Variants in PPIG observed in about 807,000 individuals in gnomAD.
PPIG encodes the protein peptidylprolyl isomerase G.
A neutral mutation model predicts 87.9 loss-of-function variants in PPIG; 26 were observed. The ratio of observed to expected loss-of-function variants is 0.30; its 90% CI spans 0.22 to 0.41. The LOEUF (loss-of-function observed/expected upper bound fraction) is 0.41, where lower values mean the gene tolerates loss of function less well. Among genes scored for constraint, PPIG ranks in the 10% least tolerant of loss-of-function variants. The probability of loss-of-function intolerance (pLI) is 1.00; values close to 1 mark genes in which losing one functional copy is unlikely to be tolerated. For missense variants in PPIG, 722 were observed against 879.4 expected (o/e 0.82, Z 2.26); for synonymous variants, 308 against 276.5 (o/e 1.11, Z -1.13).
chr2:169,611,819 G>A (rs1039414190), intron 7 of PPIG, among the ~76,000 whole-genome samples: 87 of 151,392 alleles, frequency 5.7e-4, no homozygotes, highest in African/African-American at 2.0e-3. Context: ...TTCCTATTTC[G>A]TAGGTAACCC....
chr2:169,607,033 G>T (rs1429591430), intron 5 of PPIG, 71 bp from the exon 6 acceptor site: 2 of 906,704 alleles, frequency 2.2e-6, no homozygotes, highest in Non-Finnish European at 3.5e-6. Flanking sequence ...TACTTTACAA[G>T]AAGTATTTTG....
chr2:169,632,656 G>A, intron 11 of PPIG, among the ~76,000 whole-genome samples: 1 of 151,956 alleles, frequency 6.6e-6, no homozygotes, highest in Non-Finnish European at 1.5e-5. Flanking sequence ...CAGGAGAATG[G>A]CATAAGTAAA....
At chr2:169,603,985 C>T in intron 2 of PPIG, 41 bp from the exon 3 acceptor site, 2 of 1,458,204 alleles carry the variant, frequency 1.4e-6, no homozygotes, top group Non-Finnish European at 1.9e-6. Flanking sequence ...AAGATCTTTG[C>T]TATTTTAGTC....
At chr2:169,607,613 T>C (rs183066072) in intron 6 of PPIG, among the ~76,000 whole-genome samples, 1 of 152,358 alleles carries the variant, frequency 6.6e-6, no homozygotes, top group East Asian at 1.9e-4. Context: ...AAATGGTCTA[T>C]AAGCATATTT....
rs543643286 is a variant in PPIG, at chr2:169,608,954, G to A, written c.377+196G>A. On this transcript the variant is annotated intron_variant, in intron 7 of 13. Coordinates refer to ENST00000260970, the MANE Select transcript of PPIG (RefSeq NM_004792.3). ...AAAAAATTAGCTGGGCATGGTGTCG[G>A]ACGCCTGTAGTCCCAGCTACTTGGG... Among the ~76,000 whole-genome samples, 3 of 151,894 alleles carry A rather than the reference G, an allele frequency of 2.0e-5. No homozygotes were observed. In the South Asian group the frequency reaches 6.2e-4, roughly 32 times the overall value.
chr2:169,606,476 C>CA (rs1425236975), intron 5 of PPIG, among the ~76,000 whole-genome samples: 3 of 150,992 alleles, frequency 2.0e-5, no homozygotes, highest in African/African-American at 7.3e-5. Flanking sequence ...GCTGTAGTCC[C>CA]AGCTACTTGA....
chr2:169,586,467 T>G (rs1684707805), intron 1 of PPIG, among the ~76,000 whole-genome samples: 1 of 152,228 alleles, frequency 6.6e-6, no homozygotes, highest in Non-Finnish European at 1.5e-5. Context: ...TAAAATTGTG[T>G]GTGAAGTTGG....
chr2:169,597,430 A>G (rs1685048967), intron 1 of PPIG, among the ~76,000 whole-genome samples: 1 of 151,890 alleles, frequency 6.6e-6, no homozygotes. Context: ...AGTAGCTAGG[A>G]CTGCAGGTGC....
intron 12 of PPIG, among the ~76,000 whole-genome samples, chr2:169,635,300 T>G (rs1337579039): frequency 6.6e-6 from 1 of 152,196 alleles, no homozygotes; most frequent in African/African-American, 2.4e-5. Flanking sequence ...TAGTCCTTGC[T>G]TACCTCATCA....
intron 7 of PPIG, among the ~76,000 whole-genome samples, chr2:169,614,027 G>A (rs967680506): frequency 2.6e-5 from 4 of 152,164 alleles, no homozygotes; most frequent in Non-Finnish European, 2.9e-5. Flanking sequence ...AATATAGCCC[G>A]TGCTTAACTG....
In PPIG at chr2:169,585,861, G is replaced by A. The variant is rs1023498008; in HGVS notation, c.-70+1371G>A. Among the ~76,000 whole-genome samples, 45 of 151,880 alleles carry A rather than the reference G, an allele frequency of 3.0e-4. 1 individual carries two copies. Among genetic ancestry groups the A allele is most frequent in the Admixed American group, 8.5e-4 (13 of 15,208 alleles). On this transcript the variant is annotated intron_variant, in intron 1 of 13. Coordinates refer to ENST00000260970, the MANE Select transcript of PPIG (RefSeq NM_004792.3). Reference sequence around the variant, plus strand: ...AAAAGAGTGAGTGTGTGTGTGTGTCGGTCACACACACGTTTTTGTCTTTGT... The same window carrying A: ...AAAAGAGTGAGTGTGTGTGTGTGTCAGTCACACACACGTTTTTGTCTTTGT...
intron 1 of PPIG, among the ~76,000 whole-genome samples, chr2:169,589,621 G>T (rs1684804085): frequency 6.6e-6 from 1 of 151,890 alleles, no homozygotes; most frequent in African/African-American, 2.4e-5. Flanking sequence ...TTCTTTCTTG[G>T]TTGTAAACTG....
Position 169,608,771 on chromosome 2 carries a change from T to C in PPIG, c.377+13T>C. 6.4e-7 allele frequency: 1 copy of C among 1,566,264 alleles called. No individual in the cohort carries two copies. The highest frequency in any genetic ancestry group is 8.8e-7 in the Non-Finnish European group (1 of 1,139,026). ...CACAGTTCTTCATGTAAGTATTTAT[T>C]ATCTGATGATTTAAAACATCCCATT... On this transcript the variant is annotated intron_variant, in intron 7 of 13. Coordinates refer to ENST00000260970, the MANE Select transcript of PPIG (RefSeq NM_004792.3).
At position 169,636,641 on chromosome 2, in the gene PPIG, G is replaced by T. The variant is rs773304400; in HGVS notation, c.1383G>T (p.Arg461Ser). The change falls in exon 14 of 14, where the codon AGG (arginine) becomes AGT (serine). Residue 461 changes from arginine to serine, a missense_variant. Physicochemically the swap from Arg to Ser is moderately radical, Grantham distance 110 (BLOSUM62 -1). Transcript: ENST00000260970. ...KVKKRAKSKS[R>S]SKSKEKSKSK... The stretch of plus-strand genomic sequence containing the variant: ...AGAAAAGGGCCAAATCTAAAAGTAG[G>T]AGTAAGAGCAAAGAGAAATCAAAGA... 6.3e-7 allele frequency: 1 copy of T among 1,597,100 alleles called. No individual in the cohort carries two copies. The highest frequency in any genetic ancestry group is 1.2e-5 in the South Asian group (1 of 86,026).
intron 1 of PPIG, among the ~76,000 whole-genome samples, chr2:169,600,865 T>A (rs2353196): frequency 6.6e-6 from 1 of 151,904 alleles, no homozygotes; most frequent in Non-Finnish European, 1.5e-5. Flanking sequence ...TGCAGATACA[T>A]TTTAAACTTT....
chr2:169,590,936 G>A (rs544281988), intron 1 of PPIG, among the ~76,000 whole-genome samples: 124 of 152,320 alleles, frequency 8.1e-4, no homozygotes, highest in Non-Finnish European at 1.4e-3. Flanking sequence ...GAGCCACTGC[G>A]TTCCAGGCTG....
chr2:169,625,546 A>G (rs915472143), intron 9 of PPIG, among the ~76,000 whole-genome samples: 4 of 152,104 alleles, frequency 2.6e-5, no homozygotes, highest in African/African-American at 7.2e-5. Context: ...GCTAGTTTCA[A>G]TTAGCATTTC....
At chr2:169,587,894 A>G (rs2592800) in intron 1 of PPIG, among the ~76,000 whole-genome samples, 61,525 of 152,014 alleles carry the variant, frequency 0.4, 13,066 homozygotes, top group East Asian at 0.58. Context: ...GGTGGCTCAC[A>G]CCTGAAATCC....
intron 5 of PPIG, among the ~76,000 whole-genome samples, chr2:169,606,582 ACT>A (rs1685332446): frequency 9.7e-6 from 1 of 103,516 alleles, no homozygotes; most frequent in African/African-American, 3.4e-5. Context: ...ACAGAGCAAG[ACT>A]CTGTCTCAAA....
Sources: allele counts gnomAD v4.1 joint callset (sites outside exome capture counted in the v4.1 genomes callset), GRCh38; gene constraint gnomAD v4.1.1; transcripts MANE v1.5; gene names NCBI Gene and HGNC (gene_info 2026-07-23, HGNC 2026-07-21).